PCDHGA3: variants seen among roughly 807,000 people sequenced by gnomAD.
PCDHGA3 encodes the protein protocadherin gamma-A3.
Under a neutral mutation model 58.5 loss-of-function variants are expected in PCDHGA3, and 40 were observed. That is an observed-to-expected ratio of 0.68 (90% confidence interval 0.53 to 0.89). The LOEUF is 0.89. Among genes scored for constraint, PCDHGA3 ranks in the 40% least tolerant of loss-of-function variants. The pLI is 0.00. For synonymous variants in PCDHGA3, 530 were observed against 525.7 expected, an observed-to-expected ratio of 1.01 and a Z score of -0.11; for missense variants, 1,223 against 1,195.9, an observed-to-expected ratio of 1.02 and a Z score of -0.33.
chr5:141,392,774 C>G (rs752798314), intron 1 of PCDHGA3: 1 of 1,520,452 alleles, frequency 6.6e-7, no homozygotes, highest in East Asian at 2.3e-5. Context: ...CCCATTTATG[C>G]ACAGTGAAGA....
At chr5:141,425,209 A>ATCAT (rs1368049572) in intron 1 of PCDHGA3, among the ~76,000 whole-genome samples, 2 of 152,180 alleles carry the variant, frequency 1.3e-5, no homozygotes, top group Admixed American at 1.3e-4. Flanking sequence ...GATGTAAGGC[A>ATCAT]TTGTACTTTG....
At chr5:141,384,839 AGGACCAC>A in intron 1 of PCDHGA3, 1 of 1,613,462 alleles carries the variant, frequency 6.2e-7, no homozygotes, top group East Asian at 2.2e-5. Context: ...GTGGCCGTCC[AGGACCAC>A]GGTCAGCCTC....
chr5:141,410,174 G>A (rs1369332920), intron 1 of PCDHGA3: 4 of 1,613,588 alleles, frequency 2.5e-6, no homozygotes, highest in East Asian at 2.2e-5. Flanking sequence ...CTCTGCCACC[G>A]CCACGCTTCA....
chr5:141,394,588 T>C, intron 1 of PCDHGA3: 5 of 1,613,660 alleles, frequency 3.1e-6, no homozygotes, highest in Non-Finnish European at 4.2e-6. Flanking sequence ...ACCAAGGTGG[T>C]GGCGGTGGAC....
In PCDHGA3 at chr5:141,460,596, C is replaced by A. The variant is rs930441447; in HGVS notation, c.2425-34211C>A. On this transcript the variant is annotated intron_variant, in intron 1 of 3. Transcript: ENST00000253812. ...TGTAGGTGTGGGTTTTTTCTGGGCT[C>A]TCTGTGTTAGATGGATAGATAGACA... Among the ~76,000 whole-genome samples the A allele has an allele frequency of 1.3e-5, 2 of 151,986 alleles. 1 individual carries two copies. The highest frequency in any genetic ancestry group is 4.1e-4 in the South Asian group (2 of 4,824).
intron 1 of PCDHGA3, among the ~76,000 whole-genome samples, chr5:141,465,159 A>C (rs1333891587): frequency 6.6e-6 from 1 of 151,952 alleles, no homozygotes; most frequent in East Asian, 1.9e-4. Flanking sequence ...AGGGACTCTA[A>C]ATGTTTATGA....
rs1356739313 is a variant in PCDHGA3, at chr5:141,490,444, A to T, written c.2425-4363A>T. The T allele has an allele frequency of 6.2e-7, 1 of 1,614,194 alleles. No individual in the cohort carries two copies. Among genetic ancestry groups the T allele is most frequent in the Non-Finnish European group, 8.5e-7 (1 of 1,180,034 alleles). On this transcript the variant is annotated intron_variant, in intron 1 of 3. Transcript: ENST00000253812. The surrounding 1 kb of genome is among the most constrained non-coding windows in gnomAD (Gnocchi z 5.4). ...GCCATTTCAGATTAAGCCTTCTGAG[A>T]ACCACTACTCGCTGCTAACCAGCCA...
At position 141,502,866 on chromosome 5, in the gene PCDHGA3, C is replaced by CTTTTTTTTTTT. The variant is rs549047197; in HGVS notation, c.2484-2523_2484-2513dup. Among the ~76,000 whole-genome samples the CTTTTTTTTTTT allele has an allele frequency of 4.4e-4, 56 of 128,014 alleles. 1 individual carries two copies. The highest frequency in any genetic ancestry group is 5.1e-4 in the Non-Finnish European group (32 of 62,412). The allele number at this position is 128,014 out of a possible 152,430, so 84.0% of individuals were successfully genotyped here. ...GAGCTGCCTAACCCTGACTCTCTGTCTTTTTTTTTTTTTTGACAGGGAGTC... is the reference window on the plus strand; with the variant it reads ...GAGCTGCCTAACCCTGACTCTCTGTCTTTTTTTTTTTTTTTTTTTTTTTTTGACAGGGAGTC... On this transcript the variant is annotated intron_variant, in intron 2 of 3. Coordinates refer to ENST00000253812, the MANE Select transcript of PCDHGA3 (RefSeq NM_018916.4).
At chr5:141,353,486 C>T (rs2149775311) in intron 1 of PCDHGA3, among the ~76,000 whole-genome samples, 1 of 152,174 alleles carries the variant, frequency 6.6e-6, no homozygotes, top group East Asian at 1.9e-4. Flanking sequence ...ACTCTTAACA[C>T]TTTGTCTCAT....
At chr5:141,365,046 C>T (rs753242901) in intron 1 of PCDHGA3, 1 of 1,613,884 alleles carries the variant, frequency 6.2e-7, no homozygotes, top group South Asian at 1.1e-5. Context: ...AACGACAATG[C>T]GCCCCTGTTC....
chr5:141,419,006 A>G (rs2096312225), intron 1 of PCDHGA3: 1 of 1,614,006 alleles, frequency 6.2e-7, no homozygotes. Context: ...TGGGGAAGTC[A>G]GGTGTAGCTT....
chr5:141,351,870 C>T lies in PCDHGA3; in HGVS notation c.2424+5413C>T, dbSNP rs545715349. The T allele has an allele frequency of 1.3e-5, 21 of 1,613,166 alleles. No individual in the cohort carries two copies. The East Asian group carries it at 4.5e-4, about 34-fold the overall frequency. ...CAGGCCAGGGACCAGGGCTCCCCCGCGCTCAGCGCCAACGTGAGCCTGCGC... is the reference window on the plus strand; with the variant it reads ...CAGGCCAGGGACCAGGGCTCCCCCGTGCTCAGCGCCAACGTGAGCCTGCGC... On this transcript the variant is annotated intron_variant, in intron 1 of 3. Coordinates refer to ENST00000253812, the MANE Select transcript of PCDHGA3 (RefSeq NM_018916.4).
chr5:141,357,632 C>A, intron 1 of PCDHGA3: 1 of 1,612,944 alleles, frequency 6.2e-7, no homozygotes, highest in East Asian at 2.2e-5. Context: ...GTGAGTCAAT[C>A]TTATAATAGA....
Position 141,490,008 on chromosome 5 carries a change from C to T in PCDHGA3, c.2425-4799C>T. 6.2e-7 allele frequency: 1 copy of T among 1,614,230 alleles called. No homozygotes were observed. ...GTGTGGGAATCCCAGAGAATGCACC[C>T]ATTGGTACTCTGCTGCTCCGCCTCA... On this transcript the variant is annotated intron_variant, in intron 1 of 3. Transcript: ENST00000253812. This position sits in a 1 kb window ranked among gnomAD's most constrained non-coding sequence, Gnocchi z 5.4.
At chr5:141,430,743 T>C in intron 1 of PCDHGA3, 1 of 1,498,372 alleles carries the variant, frequency 6.7e-7, no homozygotes, top group Non-Finnish European at 8.9e-7. Flanking sequence ...TGAAAATAAT[T>C]CTGGAGGAAG....
At chr5:141,371,535 G>C (rs1389993070) in intron 1 of PCDHGA3, 1 of 1,613,716 alleles carries the variant, frequency 6.2e-7, no homozygotes, top group Non-Finnish European at 8.5e-7. Flanking sequence ...ATTTAATGGA[G>C]AAATCCTATG....
chr5:141,444,364 T>C (rs1191889941), intron 1 of PCDHGA3, among the ~76,000 whole-genome samples: 2 of 151,718 alleles, frequency 1.3e-5, no homozygotes, highest in Admixed American at 1.3e-4. Context: ...AGAGACGGGG[T>C]TTCTCCATGT....
At chr5:141,370,763 C>T (rs1309192707) in intron 1 of PCDHGA3, 1 of 1,613,816 alleles carries the variant, frequency 6.2e-7, no homozygotes, top group African/African-American at 1.3e-5. Context: ...CTGTGCTGAT[C>T]CAGGATATTA....
At chr5:141,403,074 A>G (rs777613681) in intron 1 of PCDHGA3, 9 of 1,614,088 alleles carry the variant, frequency 5.6e-6, no homozygotes, top group Non-Finnish European at 6.8e-6. Flanking sequence ...GAGACAGAAA[A>G]GGGCTATATT....
Sources: allele counts gnomAD v4.1 joint callset (sites outside exome capture counted in the v4.1 genomes callset), GRCh38; gene constraint gnomAD v4.1.1; non-coding constraint Gnocchi (gnomAD v3.1); transcripts MANE v1.5; gene names NCBI Gene and HGNC (gene_info 2026-07-23, HGNC 2026-07-21).